Variants in INPP4B observed in about 807,000 individuals in gnomAD.
INPP4B encodes inositol polyphosphate 4-phosphatase type II.
INPP4B carries 55 observed loss-of-function variants against 122.5 expected under a neutral mutation model. That is an observed-to-expected ratio of 0.45 (90% CI 0.36 to 0.56). The LOEUF (loss-of-function observed/expected upper bound fraction) is 0.56. Ranked by LOEUF, INPP4B falls within the 20% of genes least tolerant of loss-of-function variation. The probability of loss-of-function intolerance (pLI) is 0.00; values close to 1 mark genes in which losing one functional copy is unlikely to be tolerated. For synonymous variants in INPP4B, 403 were observed against 388.7 expected (o/e 1.04, Z -0.43); for missense variants, 1,000 against 1,097.7 (o/e 0.91, Z 1.26).
chr4:142,247,904 T>C (rs764234876), intron 11 of INPP4B, among the ~76,000 whole-genome samples: 73 of 152,186 alleles, frequency 4.8e-4, no homozygotes, highest in Non-Finnish European at 8.7e-4. Context: ...ATAATTGAGT[T>C]TTCTGTTATC....
chr4:142,028,291 T>TTGAG lies in INPP4B; in HGVS notation c.*487_*490dup. 8.8e-6 allele frequency: 2 copies of TTGAG among 227,316 alleles called. No individual in the cohort carries two copies. Among genetic ancestry groups the TTGAG allele is most frequent in the East Asian group, 6.4e-5 (1 of 15,686 alleles). 14.1% of individuals were successfully genotyped at this position (227,316 alleles called of 1,614,324 possible). A position where few individuals can be genotyped will look rare whatever the true frequency, so the allele number is the denominator to read the frequency against. Reference sequence around the variant, plus strand: ...CAGATCATGAGTTAACTCTACCTAATTGAGTGGCTACACATTTTTTTTAAA... The same window carrying TTGAG: ...CAGATCATGAGTTAACTCTACCTAATTGAGTGAGTGGCTACACATTTTTTTTAAA... On this transcript the variant is annotated 3_prime_UTR_variant, in exon 26 of 26. Coordinates refer to ENST00000262992, the MANE Select transcript of INPP4B (RefSeq NM_001101669.3).
chr4:142,042,562 T>TATGTATGTATG (rs1560915662), intron 25 of INPP4B, among the ~76,000 whole-genome samples: 1 of 34,704 alleles, frequency 2.9e-5, no homozygotes. Flanking sequence ...ATGTATGTAT[T>TATGTATGTATG]TATTTATTTA....
At chr4:142,652,257 C>T (rs1580627297) in intron 2 of INPP4B, among the ~76,000 whole-genome samples, 2 of 152,250 alleles carry the variant, frequency 1.3e-5, no homozygotes, top group East Asian at 3.9e-4. Flanking sequence ...AACCCATAGC[C>T]AATATCACAC....
At chr4:142,536,793 G>A (rs1024583254) in intron 2 of INPP4B, among the ~76,000 whole-genome samples, 1 of 151,954 alleles carries the variant, frequency 6.6e-6, no homozygotes, top group South Asian at 2.1e-4. Flanking sequence ...CAGGACAACC[G>A]TTCTTTTTTT....
At chr4:142,465,949 T>C (rs947667489) in intron 2 of INPP4B, among the ~76,000 whole-genome samples, 5 of 152,230 alleles carry the variant, frequency 3.3e-5, no homozygotes, top group Non-Finnish European at 4.4e-5. Flanking sequence ...CCTGTCACCA[T>C]ACTTCCTATG....
chr4:142,159,131 G>GC, intron 17 of INPP4B, among the ~76,000 whole-genome samples: 1 of 151,964 alleles, frequency 6.6e-6, no homozygotes, highest in Admixed American at 6.6e-5. Context: ...AGGAAATGGA[G>GC]CATTGTAACA....
intron 12 of INPP4B, among the ~76,000 whole-genome samples, chr4:142,216,365 T>C (rs1847257584): frequency 6.6e-6 from 1 of 152,184 alleles, no homozygotes; most frequent in African/African-American, 2.4e-5. Flanking sequence ...CTCTTACACA[T>C]TAAACACTTT....
chr4:142,148,386 GT>G (rs975251578), intron 17 of INPP4B, among the ~76,000 whole-genome samples: 3 of 151,960 alleles, frequency 2.0e-5, no homozygotes, highest in African/African-American at 7.2e-5. Context: ...ACTAATTTTT[GT>G]AGTTTTTGCA....
At chr4:142,149,723 T>C (rs780778242) in intron 17 of INPP4B, among the ~76,000 whole-genome samples, 5 of 152,200 alleles carry the variant, frequency 3.3e-5, no homozygotes, top group Non-Finnish European at 5.9e-5. Context: ...TCCCGTCCCA[T>C]GGACCCTCAA....
At chr4:142,082,551 A>G (rs2152530580) in intron 24 of INPP4B, among the ~76,000 whole-genome samples, 1 of 152,328 alleles carries the variant, frequency 6.6e-6, no homozygotes, top group East Asian at 1.9e-4. Context: ...AAAGAGGAAA[A>G]AACAAACAAA....
At chr4:142,829,718 T>C (rs1338049168) in intron 1 of INPP4B, among the ~76,000 whole-genome samples, 1 of 152,148 alleles carries the variant, frequency 6.6e-6, no homozygotes, top group Non-Finnish European at 1.5e-5. Context: ...TTGTATAACA[T>C]TATCATTCAA....
At chr4:142,277,352 T>G (rs1014441003) in intron 9 of INPP4B, among the ~76,000 whole-genome samples, 5 of 151,914 alleles carry the variant, frequency 3.3e-5, no homozygotes, top group South Asian at 2.1e-4. Flanking sequence ...AAGTCCCATC[T>G]ATTTATCTTT....
chr4:142,430,650 G>T (rs1306468284), intron 4 of INPP4B, among the ~76,000 whole-genome samples: 1 of 152,010 alleles, frequency 6.6e-6, no homozygotes, highest in Non-Finnish European at 1.5e-5. Context: ...ATGTTCACAT[G>T]CAAACTTGGC....
intron 2 of INPP4B, among the ~76,000 whole-genome samples, chr4:142,604,456 T>C (rs965413750): frequency 6.6e-6 from 1 of 152,110 alleles, no homozygotes; most frequent in Non-Finnish European, 1.5e-5. Flanking sequence ...CCAGATGACA[T>C]GATCTTATAT....
intron 1 of INPP4B, among the ~76,000 whole-genome samples, chr4:142,842,695 A>C (rs1430155133): frequency 3.0e-4 from 38 of 128,352 alleles, no homozygotes; most frequent in African/African-American, 1.2e-3. Flanking sequence ...TTAATATAAT[A>C]TATAATATAT....
At chr4:142,672,569 G>A (rs1293411582) in intron 2 of INPP4B, among the ~76,000 whole-genome samples, 3 of 151,894 alleles carry the variant, frequency 2.0e-5, no homozygotes, top group Admixed American at 6.6e-5. Flanking sequence ...TTGGCAAAGT[G>A]TCTCTTTAAA....
chr4:142,718,466 A>T (rs1247085797), intron 2 of INPP4B, among the ~76,000 whole-genome samples: 1 of 152,148 alleles, frequency 6.6e-6, no homozygotes, highest in Non-Finnish European at 1.5e-5. Context: ...CCTTCTAGAG[A>T]GTTAAGTATG....
chr4:142,033,668 A>T (rs1252934224), intron 25 of INPP4B, among the ~76,000 whole-genome samples: 81 of 129,442 alleles, frequency 6.3e-4, no homozygotes, highest in East Asian at 6.8e-4. Context: ...TCTCCATTTC[A>T]TTTTTTTTTT....
intron 2 of INPP4B, among the ~76,000 whole-genome samples, chr4:142,654,959 G>A (rs1274523601): frequency 6.6e-6 from 1 of 152,030 alleles, no homozygotes; most frequent in African/African-American, 2.4e-5. Flanking sequence ...CTGCCAAAAA[G>A]AGAAAGCACT....
Sources: allele counts gnomAD v4.1 joint callset (sites outside exome capture counted in the v4.1 genomes callset), GRCh38; gene constraint gnomAD v4.1.1; transcripts MANE v1.5; gene names NCBI Gene and HGNC (gene_info 2026-07-23, HGNC 2026-07-21).